SUGCT: variants seen among roughly 807,000 people sequenced by gnomAD.
SUGCT encodes the protein succinyl-CoA:glutarate-CoA transferase, also known as succinyl-CoA:glutarate CoA-transferase.
SUGCT carries 41 observed loss-of-function variants against 55.0 expected under a neutral mutation model. That is an observed-to-expected ratio of 0.74 (90% CI 0.58 to 0.97). The LOEUF (loss-of-function observed/expected upper bound fraction) is 0.97. Ranked by LOEUF, SUGCT falls within the 50% of genes least tolerant of loss-of-function variation. SUGCT has a pLI of 0.00. For synonymous variants in SUGCT, 187 were observed against 200.4 expected, an observed-to-expected ratio of 0.93 and a Z score of 0.56; for missense variants, 568 against 547.8, an observed-to-expected ratio of 1.04 and a Z score of -0.37.
chr7:40,344,839 T>C (rs1303468159), intron 9 of SUGCT, among the ~76,000 whole-genome samples: 1 of 152,204 alleles, frequency 6.6e-6, no homozygotes, highest in Non-Finnish European at 1.5e-5. Flanking sequence ...ATTGATTGTA[T>C]AGTTCTTCAG....
intron 3 of SUGCT, among the ~76,000 whole-genome samples, chr7:40,183,608 G>C (rs1785338925): frequency 6.6e-6 from 1 of 152,102 alleles, no homozygotes; most frequent in Admixed American, 6.6e-5. Flanking sequence ...TGGAATTACA[G>C]GTGTGAGCTA....
chr7:40,942,548 C>A, the SUGCT span, among the ~76,000 whole-genome samples: 1 of 152,010 alleles, frequency 6.6e-6, no homozygotes, highest in African/African-American at 2.4e-5. Flanking sequence ...TGGTGATATT[C>A]TTTTTGCAAT....
chr7:40,167,093 T>C (rs1784459368), intron 1 of SUGCT, among the ~76,000 whole-genome samples: 1 of 152,204 alleles, frequency 6.6e-6, no homozygotes. Context: ...TGTACACAAA[T>C]GTTCACAGCA....
At chr7:40,444,155 G>A (rs1191612545) in intron 9 of SUGCT, among the ~76,000 whole-genome samples, 15 of 152,194 alleles carry the variant, frequency 9.9e-5, no homozygotes, top group East Asian at 3.9e-4. Flanking sequence ...GTCAGGTAGC[G>A]TGATGCCTCC....
chr7:40,746,938 G>C (rs897347293), intron 12 of SUGCT, among the ~76,000 whole-genome samples: 11 of 152,198 alleles, frequency 7.2e-5, no homozygotes, highest in African/African-American at 2.7e-4. Context: ...GAATGATTCA[G>C]TGTGCAGATA....
intron 13 of SUGCT, among the ~76,000 whole-genome samples, chr7:40,834,162 G>A (rs1792838183): frequency 6.7e-6 from 1 of 149,896 alleles, no homozygotes; most frequent in Non-Finnish European, 1.5e-5. Context: ...GACTAGGTAT[G>A]TCTTTGTGGG....
At chr7:41,009,393 C>G in the SUGCT span, among the ~76,000 whole-genome samples, 1 of 152,132 alleles carries the variant, frequency 6.6e-6, no homozygotes, top group African/African-American at 2.4e-5. Flanking sequence ...AGTTTAGGTT[C>G]CCAAATCATA....
At chr7:40,289,246 G>A (rs1290589878) in intron 8 of SUGCT, among the ~76,000 whole-genome samples, 4 of 152,108 alleles carry the variant, frequency 2.6e-5, no homozygotes, top group East Asian at 1.9e-4. Context: ...TAAGAGAGAG[G>A]CGAGAGTATC....
chr7:40,768,972 T>A (rs949503910), intron 13 of SUGCT, among the ~76,000 whole-genome samples: 2 of 152,084 alleles, frequency 1.3e-5, no homozygotes, highest in African/African-American at 4.8e-5. Flanking sequence ...AGGAGAAGTC[T>A]TGACTACAGT....
intron 10 of SUGCT, 69 bp downstream of exon 10, chr7:40,449,427 G>C (rs1789068060): frequency 8.2e-7 from 1 of 1,219,994 alleles, no homozygotes; most frequent in South Asian, 1.3e-5. Flanking sequence ...TTTTGCCCAG[G>C]TCACAACCAA....
chr7:40,707,165 C>G (rs1455826454), intron 12 of SUGCT, among the ~76,000 whole-genome samples: 16 of 151,936 alleles, frequency 1.1e-4, no homozygotes, highest in Non-Finnish European at 1.5e-5. Flanking sequence ...AAAAGAAGAA[C>G]CTGCCTTTAA....
chr7:40,784,537 G>A (rs186834808), intron 13 of SUGCT, among the ~76,000 whole-genome samples: 2 of 152,266 alleles, frequency 1.3e-5, no homozygotes, highest in African/African-American at 4.8e-5. Context: ...TAATACACGT[G>A]AATTCTTGAC....
chr7:41,022,682 A>G, the SUGCT span, among the ~76,000 whole-genome samples: 50 of 152,342 alleles, frequency 3.3e-4, no homozygotes, highest in Middle Eastern at 6.8e-3. Flanking sequence ...TATATTTTGA[A>G]TTCTTTAAAA....
At chr7:40,361,496 T>C (rs918890933) in intron 9 of SUGCT, among the ~76,000 whole-genome samples, 5 of 151,152 alleles carry the variant, frequency 3.3e-5, no homozygotes, top group Admixed American at 1.3e-4. Flanking sequence ...ATGGTGTGAA[T>C]GCAGGAGGCG....
chr7:40,316,645 G>T (rs1795446559), intron 8 of SUGCT, 115 bp from the exon 9 acceptor site: 2 of 636,588 alleles, frequency 3.1e-6, no homozygotes, highest in East Asian at 2.9e-5. Flanking sequence ...TGATGGACAG[G>T]TTTTTTTCTT....
At chr7:40,324,275 A>G (rs1044751357) in intron 9 of SUGCT, among the ~76,000 whole-genome samples, 2 of 119,314 alleles carry the variant, frequency 1.7e-5, no homozygotes, top group Non-Finnish European at 3.8e-5. Flanking sequence ...TTATTTTTTG[A>G]GACAGAGTCT....
chr7:40,462,270 G>A (rs1789843585), intron 11 of SUGCT, among the ~76,000 whole-genome samples: 1 of 152,110 alleles, frequency 6.6e-6, no homozygotes, highest in Admixed American at 6.6e-5. Context: ...TCTGGGAGAT[G>A]AATTCCAGGC....
intron 11 of SUGCT, among the ~76,000 whole-genome samples, chr7:40,481,621 GA>G (rs1344096959): frequency 2.0e-5 from 3 of 151,986 alleles, no homozygotes; most frequent in African/African-American, 7.2e-5. Context: ...TAACCCAATA[GA>G]AAATCATCAA....
intron 12 of SUGCT, among the ~76,000 whole-genome samples, chr7:40,534,529 A>G (rs1390742366): frequency 2.6e-5 from 4 of 152,092 alleles, no homozygotes; most frequent in African/African-American, 9.7e-5. Flanking sequence ...GACTACAGGC[A>G]TGTGCTGCCA....
Sources: allele counts gnomAD v4.1 joint callset (sites outside exome capture counted in the v4.1 genomes callset), GRCh38; gene constraint gnomAD v4.1.1; transcripts MANE v1.5; gene names NCBI Gene and HGNC (gene_info 2026-07-23, HGNC 2026-07-21).